COL25A1: variants seen among roughly 807,000 people sequenced by gnomAD.
COL25A1 encodes the protein collagen alpha-1(XXV) chain.
In COL25A1, 103 loss-of-function variants were observed where a neutral mutation model predicts 128.4. That is an observed-to-expected ratio of 0.80 (90% CI 0.68 to 0.94). The LOEUF is 0.94. COL25A1 is among the 40% of genes least tolerant of loss of function. COL25A1 has a pLI of 0.00. For missense variants in COL25A1, 745 were observed against 840.0 expected, an observed-to-expected ratio of 0.89 and a Z score of 1.40; for synonymous variants, 279 against 277.2, an observed-to-expected ratio of 1.01 and a Z score of -0.06.
At chr4:109,295,819 C>T (rs1453485572) in intron 3 of COL25A1, among the ~76,000 whole-genome samples, 4 of 152,022 alleles carry the variant, frequency 2.6e-5, no homozygotes, top group Non-Finnish European at 4.4e-5. Flanking sequence ...CTATGTGAAT[C>T]GCTTGCCTAC....
intron 3 of COL25A1, among the ~76,000 whole-genome samples, chr4:109,187,878 C>A (rs1188651261): frequency 2.6e-5 from 4 of 151,918 alleles, no homozygotes; most frequent in African/African-American, 9.7e-5. Flanking sequence ...AAATAAAAAC[C>A]CTTTCCTCAT....
intron 6 of COL25A1, among the ~76,000 whole-genome samples, chr4:109,008,835 G>A (rs1756303198): frequency 6.6e-6 from 1 of 152,158 alleles, no homozygotes; most frequent in African/African-American, 2.4e-5. Context: ...AAGCATGCAA[G>A]CTGAGTACGG....
At chr4:109,225,280 A>G (rs565381559) in intron 3 of COL25A1, among the ~76,000 whole-genome samples, 238 of 152,354 alleles carry the variant, frequency 1.6e-3, no homozygotes, top group African/African-American at 5.4e-3. Flanking sequence ...TCAAACAACA[A>G]AAAGAACAAA....
At chr4:109,162,923 C>T (rs574716639) in intron 3 of COL25A1, among the ~76,000 whole-genome samples, 11 of 152,136 alleles carry the variant, frequency 7.2e-5, no homozygotes, top group Non-Finnish European at 8.8e-5. Flanking sequence ...GTGGATAAGT[C>T]GTTCTCTCTT....
At chr4:108,853,953 T>G (rs1276072326) in intron 24 of COL25A1, 2 of 152,160 alleles carry the variant, frequency 1.3e-5, no homozygotes, top group African/African-American at 4.8e-5. Context: ...TCTTTGCTAT[T>G]GTGAATAGTG....
intron 5 of COL25A1, among the ~76,000 whole-genome samples, chr4:109,030,250 C>T (rs1442126922): frequency 6.6e-6 from 1 of 152,204 alleles, no homozygotes; most frequent in Non-Finnish European, 1.5e-5. Flanking sequence ...CAGCTGCTGC[C>T]TGACTCCCTG....
chr4:109,267,638 C>A (rs1162991884), intron 3 of COL25A1, among the ~76,000 whole-genome samples: 1 of 152,098 alleles, frequency 6.6e-6, no homozygotes, highest in Non-Finnish European at 1.5e-5. Context: ...CATCCCTAAT[C>A]CAAAAATCTG....
chr4:109,010,212 T>C, intron 6 of COL25A1, 146 bp downstream of exon 6: 1 of 668,830 alleles, frequency 1.5e-6, no homozygotes, highest in Non-Finnish European at 2.5e-6. Context: ...CCCAAGGGTT[T>C]ACTCCTGGGA....
intron 3 of COL25A1, among the ~76,000 whole-genome samples, chr4:109,122,240 G>A (rs888106640): frequency 3.3e-5 from 5 of 152,040 alleles, no homozygotes; most frequent in African/African-American, 1.2e-4. Context: ...AGAATGTCCA[G>A]TGCCAAGAGG....
chr4:109,163,186 G>T (rs1290109903), intron 3 of COL25A1, among the ~76,000 whole-genome samples: 1 of 152,062 alleles, frequency 6.6e-6, no homozygotes, highest in Admixed American at 6.6e-5. Context: ...ATGTTTTCTG[G>T]GCATCCCAGG....
chr4:108,864,104 G>A (rs1737594775), intron 20 of COL25A1, among the ~76,000 whole-genome samples: 1 of 152,124 alleles, frequency 6.6e-6, no homozygotes, highest in African/African-American at 2.4e-5. Context: ...TCTCTCTGGA[G>A]AAACTTGACT....
At chr4:109,215,091 C>T (rs1777882444) in intron 3 of COL25A1, among the ~76,000 whole-genome samples, 1 of 152,092 alleles carries the variant, frequency 6.6e-6, no homozygotes, top group Admixed American at 6.6e-5. Context: ...TCTAGAAGAG[C>T]TTTTAAATCC....
Position 109,050,907 on chromosome 4 carries a change from G to A in COL25A1, c.368-728C>T, listed in dbSNP as rs985828740. On this transcript the variant is annotated intron_variant, in intron 3 of 37. Transcript: ENST00000399132. Reference sequence around the variant, plus strand: ...GTTTTTTTTTTTTTGGTAAGTTACCGGTAAAGACCACCAAGCTAGTATGTA... The same window carrying A: ...GTTTTTTTTTTTTTGGTAAGTTACCAGTAAAGACCACCAAGCTAGTATGTA... Among the ~76,000 whole-genome samples, 5 of 149,674 alleles carry A rather than the reference G, an allele frequency of 3.3e-5. No individual in the cohort carries two copies. In the South Asian group the frequency reaches 8.5e-4, roughly 25 times the overall value.
At chr4:108,910,201 T>C (rs559633203) in intron 13 of COL25A1, among the ~76,000 whole-genome samples, 2 of 152,302 alleles carry the variant, frequency 1.3e-5, no homozygotes, top group East Asian at 3.9e-4. Context: ...AAACTGTGTA[T>C]AGTTTGAATG....
chr4:109,059,673 C>T (rs1045553237), intron 3 of COL25A1, among the ~76,000 whole-genome samples: 2 of 152,168 alleles, frequency 1.3e-5, no homozygotes, highest in African/African-American at 4.8e-5. Flanking sequence ...GTGATTAACA[C>T]ATATTTATGT....
intron 5 of COL25A1, among the ~76,000 whole-genome samples, chr4:109,023,888 C>T (rs1225135161): frequency 6.6e-6 from 1 of 152,168 alleles, no homozygotes; most frequent in Non-Finnish European, 1.5e-5. Flanking sequence ...ATTCTCAAGC[C>T]TCTCAGAAGA....
intron 3 of COL25A1, among the ~76,000 whole-genome samples, chr4:109,091,052 C>G (rs923172638): frequency 1.3e-5 from 2 of 152,150 alleles, no homozygotes; most frequent in Non-Finnish European, 2.9e-5. Flanking sequence ...GGCAACATCT[C>G]CTGGAAGAAA....
intron 3 of COL25A1, among the ~76,000 whole-genome samples, chr4:109,232,664 T>C (rs1022175628): frequency 6.6e-6 from 1 of 152,164 alleles, no homozygotes; most frequent in Admixed American, 6.6e-5. Context: ...TTCTGAGATA[T>C]ATATAAGTAA....
intron 3 of COL25A1, among the ~76,000 whole-genome samples, chr4:109,162,373 T>C (rs1447198662): frequency 1.3e-5 from 2 of 152,144 alleles, no homozygotes; most frequent in South Asian, 2.1e-4. Flanking sequence ...AATTAATTTG[T>C]TAAGGTCAGC....
Sources: gnomAD v4.1 joint callset for allele counts (sites outside exome capture counted in the v4.1 genomes callset) on GRCh38, gnomAD v4.1.1 for gene constraint, MANE v1.5 for transcripts, NCBI Gene and HGNC (gene_info 2026-07-23, HGNC 2026-07-21) for gene names.